Variants in CSAD observed in about 807,000 individuals in gnomAD.
CSAD encodes P-selectin cytoplasmic tail-associated protein.
In CSAD, 47 loss-of-function variants were observed where a neutral mutation model predicts 61.5. That is an observed-to-expected ratio of 0.76 (90% CI 0.60 to 0.97). The LOEUF (loss-of-function observed/expected upper bound fraction) is 0.97, where lower values mean the gene tolerates loss of function less well. Among genes scored for constraint, CSAD ranks in the 50% least tolerant of loss-of-function variants. The probability of loss-of-function intolerance (pLI) is 0.00; values close to 1 mark genes in which losing one functional copy is unlikely to be tolerated. For synonymous variants in CSAD, 245 were observed against 252.7 expected (o/e 0.97, Z 0.29); for missense variants, 611 against 643.6 (o/e 0.95, Z 0.55).
At position 53,158,521 on chromosome 12, in the gene CSAD, T is replaced by A; in HGVS notation, c.1472A>T (p.Gln491Leu). 1 of 1,613,646 alleles carries A rather than the reference T, an allele frequency of 6.2e-7. No individual in the cohort carries two copies. Among genetic ancestry groups the A allele is most frequent in the African/African-American group, 1.3e-5 (1 of 75,036 alleles). The change falls in exon 17 of 17, where the codon CAG (glutamine) becomes CTG (leucine). Residue 491 changes from glutamine (Q) to leucine (L), a missense_variant. By Grantham distance (113) the Gln-to-Leu change is moderately radical (BLOSUM62 -2). Coordinates refer to ENST00000444623, the MANE Select transcript of CSAD (RefSeq NM_001244705.2). The stretch of plus-strand genomic sequence containing the variant: ...CAAGACAGAGAAGGCTCACAGGTCC[T>A]GGCCTAGCCGCTCCAGCTCGTTGAG... ...FLLNELERLG[Q>L]DL
At chr12:53,179,725 TC>T in intron 1 of CSAD, 7 of 1,447,458 alleles carry the variant, frequency 4.8e-6, no homozygotes, top group South Asian at 1.2e-5. Flanking sequence ...GTTTTTTTTT[TC>T]TTTTGGTATC....
At position 53,158,571 on chromosome 12, in the gene CSAD, C is replaced by G. The variant is rs771334887; in HGVS notation, c.1422G>C (p.Leu474=). 2 of 1,614,248 alleles carry G rather than the reference C, an allele frequency of 1.2e-6. No individual in the cohort carries two copies. Among genetic ancestry groups the G allele is most frequent in the Non-Finnish European group, 1.7e-6 (2 of 1,180,046 alleles). ...FFRVVVANSA[L]TCADMDFLLN... ...GGAGGAAGTCCATATCAGCACAGGT[C>G]AGTGCAGAGTTGGCCACAACCACAC... The change falls in exon 17 of 17, where the codon CTG becomes CTC. Residue 474 remains leucine (L), a synonymous_variant. Transcript: ENST00000444623.
At chr12:53,163,900 G>A (rs1939589195) in intron 10 of CSAD, among the ~76,000 whole-genome samples, 1 of 152,170 alleles carries the variant, frequency 6.6e-6, no homozygotes, top group African/African-American at 2.4e-5. Flanking sequence ...GTAGTCTACA[G>A]GATAGACATG....
In CSAD at chr12:53,159,739, GTGAGC is replaced by G. The variant is rs1316046914; in HGVS notation, c.1219-32_1219-28del. 2.0e-5 allele frequency: 32 copies of G among 1,585,966 alleles called. 1 individual carries two copies. The Middle Eastern group carries it at 4.5e-3, about 222-fold the overall frequency. ...TGAGAGGAATGAGAAAGAGGAAGGT[GTGAGC>G]TGAGAAAGGGGGACCGTTTTCCCTC... On this transcript the variant is annotated intron_variant, in intron 15 of 16. Coordinates refer to ENST00000444623, the MANE Select transcript of CSAD (RefSeq NM_001244705.2).
At position 53,160,766 on chromosome 12, in the gene CSAD, G is replaced by T; in HGVS notation, c.963C>A (p.Thr321=). 1 of 1,551,556 alleles carries T rather than the reference G, an allele frequency of 6.4e-7. No homozygotes were observed. Reference sequence around the variant, plus strand: ...GCAGGGGCAGGGGCAGACCCACCGAGGTATCCTGGAGAAGAAGTGCAGAGC... The same window carrying T: ...GCAGGGGCAGGGGCAGACCCACCGATGTATCCTGGAGAAGAAGTGCAGAGC... ...LQCSALLLQD[T]SNLLKRCHGS... is the part of the protein sequence containing the mutation. Residue 321 remains threonine, a synonymous_variant, in exon 13 of 17, where the codon ACC becomes ACA. Transcript: ENST00000444623.
chr12:53,171,384 T>C lies in CSAD; in HGVS notation c.509A>G (p.Asp170Gly). 6.2e-7 allele frequency: 1 copy of C among 1,613,960 alleles called. No individual in the cohort carries two copies. ...TGTGCGGAGGCCCCTCTGCTTGCAATCCGGGTAGCGCTGATAGCGGGCCAG... is the reference window on the plus strand; with the variant it reads ...TGTGCGGAGGCCCCTCTGCTTGCAACCCGGGTAGCGCTGATAGCGGGCCAG... Reference protein sequence around the residue: ...VNLARYQRYPDCKQRGLRTLP... With the variant: ...VNLARYQRYPGCKQRGLRTLP... Residue 170 changes from aspartate (D) to glycine (G), a missense_variant, in exon 8 of 17, where the codon GAT (aspartate) becomes GGT (glycine). Asp to Gly is a moderately conservative substitution (Grantham distance 94). Transcript: ENST00000444623.
Position 53,162,179 on chromosome 12 carries a change from A to G in CSAD, c.703-790T>C, listed in dbSNP as rs1056838065. 5.3e-5 allele frequency among the ~76,000 whole-genome samples: 8 copies of G among 152,058 alleles called. No homozygotes were observed. In the East Asian group the frequency reaches 1.6e-3, roughly 30 times the overall value. On this transcript the variant is annotated intron_variant, in intron 10 of 16. Coordinates refer to ENST00000444623, the MANE Select transcript of CSAD (RefSeq NM_001244705.2). ...GGGAGGCGGAAGCCGAGGCAGAGGC[A>G]TGAGAATCGCTTGAACCCGGGAGGC...
chr12:53,159,526 A>AG, intron 16 of CSAD, 97 bp downstream of exon 16: 1 of 978,626 alleles, frequency 1.0e-6, no homozygotes, highest in East Asian at 2.6e-5. Flanking sequence ...GAGACCAGCA[A>AG]GGAGACCTGC....
At chr12:53,178,046 A>G (rs1435750742) in intron 2 of CSAD, 1 of 186,230 alleles carries the variant, frequency 5.4e-6, no homozygotes, top group East Asian at 1.7e-4. Flanking sequence ...TAAACTAGTA[A>G]CTGTATAAAA....
chr12:53,159,783 C>CCCCTCTCCCTGCCCTTTT (rs1939038133), intron 15 of CSAD, 71 bp from the exon 16 acceptor site: 1 of 1,524,588 alleles, frequency 6.6e-7, no homozygotes, highest in Non-Finnish European at 8.9e-7. Context: ...CTGCCCCTTT[C>CCCCTCTCCCTGCCCTTTT]CCCTCTCCCT....
chr12:53,162,701 T>C (rs541228640), intron 10 of CSAD, among the ~76,000 whole-genome samples: 9 of 152,050 alleles, frequency 5.9e-5, no homozygotes, highest in South Asian at 2.1e-4. Context: ...GGCAGGAGAA[T>C]TGCTTGAGCC....
In CSAD at chr12:53,161,317, T is replaced by C. The variant is rs768889854; in HGVS notation, c.775A>G (p.Ile259Val). The part of the protein sequence containing the change: ...VLGAFDPLEA[I>V]ADVCQRHGLW... ...CCATGACGCTGGCACACATCAGCAATTGCCTCCAGGGGGTCAAAGGCCCCT... is the reference window on the plus strand; with the variant it reads ...CCATGACGCTGGCACACATCAGCAACTGCCTCCAGGGGGTCAAAGGCCCCT... Residue 259 changes from isoleucine to valine, a missense_variant, in exon 11 of 17, where the codon ATT (isoleucine) becomes GTT (valine). Ile to Val is a conservative substitution (Grantham distance 29). Transcript: ENST00000444623. 45 of 1,613,772 alleles carry C rather than the reference T, an allele frequency of 2.8e-5. No homozygotes were observed. The highest frequency in any genetic ancestry group is 3.6e-5 in the Non-Finnish European group (42 of 1,179,966).
At chr12:53,180,940 A>G (rs1592378824), upstream of CSAD, 3 of 261,056 alleles carry the variant, frequency 1.1e-5, no homozygotes, top group South Asian at 1.5e-4. Flanking sequence ...AGGGGAGGGG[A>G]GGAGGGGCGC....
At chr12:53,172,118 G>A (rs1209340838) in intron 6 of CSAD, 130 bp from the exon 7 acceptor site, 4 of 738,828 alleles carry the variant, frequency 5.4e-6, no homozygotes, top group East Asian at 5.3e-5. Flanking sequence ...GGAGAAGAAC[G>A]AGTTGGTGAC....
At chr12:53,165,742 T>C (rs1760865625) in intron 10 of CSAD, among the ~76,000 whole-genome samples, 1 of 151,062 alleles carries the variant, frequency 6.6e-6, no homozygotes, top group South Asian at 2.1e-4. Flanking sequence ...CCTTGTGCAC[T>C]GCAGGAATGT....
At chr12:53,179,552 GT>G (rs1170203882) in intron 1 of CSAD, 2 of 506,362 alleles carry the variant, frequency 3.9e-6, no homozygotes, top group Non-Finnish European at 6.9e-6. Context: ...TCCTGGTGAT[GT>G]TTCTTTATCT....
chr12:53,177,447 A>C (rs1941194544), intron 2 of CSAD, among the ~76,000 whole-genome samples: 1 of 152,216 alleles, frequency 6.6e-6, no homozygotes, highest in Non-Finnish European at 1.5e-5. Flanking sequence ...TAAGAAATAT[A>C]CAAATGATCT....
rs1187161414 is a variant in CSAD, at chr12:53,171,863, C to T, written c.451+19G>A. ...ACTCATAAAAAGGGCAAAGAAAGGT[C>T]CTCCTCCTTCTCACAAACCAGGGCA... On this transcript the variant is annotated intron_variant, in intron 7 of 16. Transcript: ENST00000444623. 21 of 1,543,842 alleles carry T rather than the reference C, an allele frequency of 1.4e-5. No homozygotes were observed. Among genetic ancestry groups the T allele is most frequent in the Non-Finnish European group, 1.9e-5 (21 of 1,117,156 alleles).
At chr12:53,178,497 A>G in intron 2 of CSAD, 1 of 369,274 alleles carries the variant, frequency 2.7e-6, no homozygotes, top group South Asian at 1.9e-5. Flanking sequence ...ATCTTTAAAC[A>G]GAATGAAAAT....
Sources: allele counts gnomAD v4.1 joint callset (sites outside exome capture counted in the v4.1 genomes callset), GRCh38; gene constraint gnomAD v4.1.1; transcripts MANE v1.5; gene names NCBI Gene and HGNC (gene_info 2026-07-23, HGNC 2026-07-21).